Variants in SCN10A observed in about 807,000 individuals in gnomAD.
SCN10A encodes the protein sodium channel protein type 10 subunit alpha.
SCN10A carries 162 observed loss-of-function variants against 170.7 expected under a neutral mutation model. The observed-to-expected ratio is 0.95, with a 90% CI of 0.84 to 1.08. The LOEUF (loss-of-function observed/expected upper bound fraction) is 1.08, where lower values mean the gene tolerates loss of function less well. Ranked by LOEUF, SCN10A falls within the 50% of genes least tolerant of loss-of-function variation. The pLI is 0.00. For synonymous variants in SCN10A, 985 were observed against 904.6 expected, an observed-to-expected ratio of 1.09 and a Z score of -1.59; for missense variants, 2,527 against 2,436.9, an observed-to-expected ratio of 1.04 and a Z score of -0.78.
chr3:38,723,409 G>A, intron 19 of SCN10A, 21 bp downstream of exon 19: 2 of 1,613,894 alleles, frequency 1.2e-6, no homozygotes, highest in Non-Finnish European at 1.7e-6. Flanking sequence ...AGTGTGAGGG[G>A]GCCTGTGGCT....
At chr3:38,805,154 T>C (rs1233369352) in intron 1 of SCN10A, among the ~76,000 whole-genome samples, 2 of 152,146 alleles carry the variant, frequency 1.3e-5, no homozygotes, top group Non-Finnish European at 2.9e-5. Flanking sequence ...TCAGGTTCAT[T>C]ATCTGCATGG....
chr3:38,706,971 C>A (rs746270782), intron 26 of SCN10A, among the ~76,000 whole-genome samples: 1 of 152,226 alleles, frequency 6.6e-6, no homozygotes, highest in African/African-American at 2.4e-5. Context: ...ACTACCCTTA[C>A]TGTCACTTAG....
At chr3:38,812,107 C>G (rs976473542) in intron 1 of SCN10A, among the ~76,000 whole-genome samples, 15 of 152,168 alleles carry the variant, frequency 9.9e-5, no homozygotes, top group Admixed American at 3.9e-4. Flanking sequence ...ACCAAGGCAG[C>G]CAGCGCTTTT....
chr3:38,757,122 CAGA>C lies in SCN10A; in HGVS notation c.985_987del (p.Ser329del). 1 of 1,612,838 alleles carries C rather than the reference CAGA, an allele frequency of 6.2e-7. No individual in the cohort carries two copies. Among genetic ancestry groups the C allele is most frequent in the Non-Finnish European group, 8.5e-7 (1 of 1,179,424 alleles). ...CTGGTGTAGTTAAAATCCGGGTTGT[CAGA>C]AGTTTTAAGGCAGATATAACCATCA... is the stretch of plus-strand genomic sequence containing the variant. On this transcript the variant is annotated inframe_deletion, in exon 9 of 28. Transcript: ENST00000449082.
chr3:38,728,831 A>C lies in SCN10A; in HGVS notation c.2351T>G (p.Val784Gly), dbSNP rs763172665. 2 of 1,614,166 alleles carry C rather than the reference A, an allele frequency of 1.2e-6. No homozygotes were observed. The highest frequency in any genetic ancestry group is 4.5e-5 in the East Asian group (2 of 44,880). The change falls in exon 16 of 28, where the codon GTG becomes GGG. Residue 784 changes from valine to glycine, a missense_variant. Physicochemically the swap from Val to Gly is moderately radical, Grantham distance 109. Coordinates refer to ENST00000449082, the MANE Select transcript of SCN10A (RefSeq NM_006514.4). The stretch of plus-strand genomic sequence containing the variant: ...GATGGTGAGGTTCCCCAGTGCCCCC[A>C]CTGAGTTTCCGATGATCTTGATGAG... ...NTLIKIIGNSVGALGNLTIIL... is the reference protein window; with the variant it reads ...NTLIKIIGNSGGALGNLTIIL...
intron 13 of SCN10A, among the ~76,000 whole-genome samples, chr3:38,747,624 G>A (rs2063705219): frequency 1.3e-5 from 2 of 152,178 alleles, no homozygotes; most frequent in Non-Finnish European, 2.9e-5. Context: ...GCAAACCCAG[G>A]CAGCCGGGTT....
chr3:38,786,052 T>C (rs2064197274), intron 4 of SCN10A, among the ~76,000 whole-genome samples: 1 of 152,118 alleles, frequency 6.6e-6, no homozygotes, highest in African/African-American at 2.4e-5. Context: ...AGTTCAACCA[T>C]TGTGGAAGAC....
chr3:38,810,210 T>C (rs970790282), intron 1 of SCN10A, among the ~76,000 whole-genome samples: 4 of 152,208 alleles, frequency 2.6e-5, no homozygotes, highest in Non-Finnish European at 5.9e-5. Flanking sequence ...TTCTCTAAGT[T>C]TCTAAAGAAA....
At position 38,728,886 on chromosome 3, in the gene SCN10A, G is replaced by C. The variant is rs1210697220; in HGVS notation, c.2296C>G (p.Leu766Val). Residue 766 changes from leucine (L) to valine (V), a missense_variant, in exon 16 of 28, where the codon CTG becomes GTG. Transcript: ENST00000449082. Reference protein sequence around the residue: ...RSFRLLRVFKLAKSWPTLNTL... With the variant: ...RSFRLLRVFKVAKSWPTLNTL... ...TTTAAGGTGGGCCAGGATTTGGCCA[G>C]CTTGAATACGCGCAGCTGCAGAGAA... 6.2e-7 allele frequency: 1 copy of C among 1,608,876 alleles called. No homozygotes were observed. Among genetic ancestry groups the C allele is most frequent in the East Asian group, 2.2e-5 (1 of 44,756 alleles).
At position 38,792,171 on chromosome 3, in the gene SCN10A, GAAACA is replaced by G; in HGVS notation, c.271-8_271-4del. 1 of 1,612,154 alleles carries G rather than the reference GAAACA, an allele frequency of 6.2e-7. No individual in the cohort carries two copies. Among genetic ancestry groups the G allele is most frequent in the Non-Finnish European group, 8.5e-7 (1 of 1,179,364 alleles). Reference sequence around the variant, plus strand: ...CCTTTGTTCAGCACCATAAATGTCTGAAACAAAACAAAACAGAAAGTGGACCTCCA... The same window carrying G: ...CCTTTGTTCAGCACCATAAATGTCTGAAACAAAACAGAAAGTGGACCTCCA... On this transcript the variant is annotated splice_region_variant and splice_polypyrimidine_tract_variant and intron_variant, in intron 2 of 27. Coordinates refer to ENST00000449082, the MANE Select transcript of SCN10A (RefSeq NM_006514.4).
intron 1 of SCN10A, among the ~76,000 whole-genome samples, chr3:38,799,191 T>C (rs1385916115): frequency 6.6e-6 from 1 of 152,172 alleles, no homozygotes; most frequent in Non-Finnish European, 1.5e-5. Flanking sequence ...ACCTGAGTGA[T>C]GGCAGAACAG....
intron 1 of SCN10A, among the ~76,000 whole-genome samples, chr3:38,809,924 A>C (rs1376342765): frequency 6.6e-6 from 1 of 152,206 alleles, no homozygotes; most frequent in African/African-American, 2.4e-5. Context: ...TAGATTAGAG[A>C]AGCTAGTGAA....
rs1674245596 is a variant in SCN10A at position 38,726,830 on chromosome 3, T to A, written c.2863A>T (p.Ser955Cys). 2 of 1,613,820 alleles carry A rather than the reference T, an allele frequency of 1.2e-6. No homozygotes were observed. Among genetic ancestry groups the A allele is most frequent in the Non-Finnish European group, 1.7e-6 (2 of 1,179,738 alleles). ...PELVVKLPLS[S>C]SKAENHIAAN... ...GCAATGTGGTTCTCAGCCTTGGAGC[T>A]GGAGAGTGGGAGTTTCACCACCAGC... Residue 955 changes from serine (S) to cysteine (C), a missense_variant, in exon 17 of 28, where the codon AGC (serine) becomes TGC (cysteine). Coordinates refer to ENST00000449082, the MANE Select transcript of SCN10A (RefSeq NM_006514.4).
intron 15 of SCN10A, among the ~76,000 whole-genome samples, chr3:38,732,523 T>C (rs548758031): frequency 2.6e-4 from 40 of 152,190 alleles, no homozygotes; most frequent in African/African-American, 9.2e-4. Context: ...CTAGTTGTAC[T>C]TATCTTGAGT....
chr3:38,733,871 C>T (rs543179493), intron 15 of SCN10A, among the ~76,000 whole-genome samples: 58 of 152,142 alleles, frequency 3.8e-4, no homozygotes, highest in Non-Finnish European at 7.8e-4. Flanking sequence ...AAAGTATGCA[C>T]CATCACACCT....
chr3:38,729,087 C>G (rs1165008613), intron 15 of SCN10A, among the ~76,000 whole-genome samples, 186 bp from the exon 16 acceptor site: 2 of 152,182 alleles, frequency 1.3e-5, no homozygotes, highest in African/African-American at 2.4e-5. Flanking sequence ...AAAATATGAT[C>G]TGCCTTCTAT....
At chr3:38,780,921 T>C (rs2064131561) in intron 4 of SCN10A, among the ~76,000 whole-genome samples, 1 of 152,012 alleles carries the variant, frequency 6.6e-6, no homozygotes, top group Non-Finnish European at 1.5e-5. Context: ...AAGTTGACAA[T>C]GACCAATTGA....
At chr3:38,785,812 G>T (rs763118413) in intron 4 of SCN10A, among the ~76,000 whole-genome samples, 5 of 152,170 alleles carry the variant, frequency 3.3e-5, no homozygotes, top group Non-Finnish European at 7.4e-5. Context: ...CAAAAAGTGG[G>T]CAAAGGATAT....
chr3:38,731,728 TC>T lies in SCN10A; in HGVS notation c.2281-2828del, dbSNP rs547739724. 1.2e-3 allele frequency among the ~76,000 whole-genome samples: 182 copies of T among 152,124 alleles called. 1 individual carries two copies. The highest frequency in any genetic ancestry group is 6.8e-3 in the Middle Eastern group (2 of 294). ...TTTCCACTTCATATTGCATACTAAC[TC>T]CCCCCAGATTTGCATATGCAACCCA... is the stretch of plus-strand genomic sequence containing the variant. On this transcript the variant is annotated intron_variant, in intron 15 of 27. Transcript: ENST00000449082.
Sources: allele counts gnomAD v4.1 joint callset (sites outside exome capture counted in the v4.1 genomes callset), GRCh38; gene constraint gnomAD v4.1.1; transcripts MANE v1.5; gene names NCBI Gene and HGNC (gene_info 2026-07-23, HGNC 2026-07-21).